Variants in VKORC1L1 observed in about 807,000 individuals in gnomAD.
VKORC1L1 encodes vitamin K epoxide reductase complex subunit 1L1.
A neutral mutation model predicts 18.9 loss-of-function variants in VKORC1L1; 2 were observed. The ratio of observed to expected loss-of-function variants is 0.11; its 90% CI spans 0.04 to 0.33. The LOEUF (loss-of-function observed/expected upper bound fraction) is 0.33. VKORC1L1 is among the 10% of genes least tolerant of loss of function. VKORC1L1 has a pLI of 1.00. For synonymous variants in VKORC1L1, 96 were observed against 100.0 expected (o/e 0.96, Z 0.24); for missense variants, 123 against 224.1 (o/e 0.55, Z 2.88).
At chr7:65,925,068 A>G (rs1789739326) in intron 1 of VKORC1L1, among the ~76,000 whole-genome samples, 1 of 152,134 alleles carries the variant, frequency 6.6e-6, no homozygotes. Context: ...CTTCATGGCT[A>G]TCATGTTTAG....
intron 1 of VKORC1L1, among the ~76,000 whole-genome samples, chr7:65,914,715 T>C (rs1789557893): frequency 6.6e-6 from 1 of 152,184 alleles, no homozygotes; most frequent in Non-Finnish European, 1.5e-5. Flanking sequence ...TTACTCTCCC[T>C]CTGGCTGGGT....
At chr7:65,922,924 T>C (rs1261033987) in intron 1 of VKORC1L1, among the ~76,000 whole-genome samples, 2 of 152,184 alleles carry the variant, frequency 1.3e-5, no homozygotes, top group African/African-American at 4.8e-5. Flanking sequence ...CTTGAATCTG[T>C]GGCTTAGTGT....
In VKORC1L1 at chr7:65,931,795, C is replaced by T. The variant is rs1789862646; in HGVS notation, c.195-16876C>T. Among the ~76,000 whole-genome samples, 4 of 152,156 alleles carry T rather than the reference C, an allele frequency of 2.6e-5. No homozygotes were observed. In the South Asian group the frequency reaches 8.3e-4, roughly 32 times the overall value. ...TAGCTGGGATTACAGACATCCACCA[C>T]CATGCCCGGCTACTTTTTATATTTT... is the stretch of plus-strand genomic sequence containing the variant. On this transcript the variant is annotated intron_variant, in intron 1 of 2. Transcript: ENST00000360768.
intron 2 of VKORC1L1, 128 bp from the exon 3 acceptor site, chr7:65,953,946 A>G: frequency 3.8e-6 from 3 of 784,156 alleles, no homozygotes; most frequent in Non-Finnish European, 6.0e-6. Context: ...TCTGTTCTCA[A>G]TTTTCAGAGT....
chr7:65,890,663 T>C (rs1397910529), intron 1 of VKORC1L1, among the ~76,000 whole-genome samples: 1 of 152,252 alleles, frequency 6.6e-6, no homozygotes, highest in Admixed American at 6.5e-5. Context: ...TTTTACTTGG[T>C]AATGCCAGAC....
At chr7:65,895,117 C>T (rs1417295749) in intron 1 of VKORC1L1, among the ~76,000 whole-genome samples, 4 of 151,960 alleles carry the variant, frequency 2.6e-5, no homozygotes, top group Non-Finnish European at 5.9e-5. Context: ...AGTTAAGATA[C>T]GCCTTAAAGC....
chr7:65,867,429 C>A, the VKORC1L1 span, among the ~76,000 whole-genome samples: 7 of 152,032 alleles, frequency 4.6e-5, no homozygotes, highest in Non-Finnish European at 5.9e-5. Context: ...ATATATAACC[C>A]CAAAACTTTG....
intron 1 of VKORC1L1, among the ~76,000 whole-genome samples, chr7:65,908,075 T>A (rs1789435369): frequency 6.6e-6 from 1 of 152,158 alleles, no homozygotes; most frequent in Admixed American, 6.5e-5. Context: ...GTTAAGACAT[T>A]TTCCTATACC....
At chr7:65,930,551 C>T (rs1453225496) in intron 1 of VKORC1L1, among the ~76,000 whole-genome samples, 2 of 152,122 alleles carry the variant, frequency 1.3e-5, no homozygotes, top group African/African-American at 4.8e-5. Context: ...AGTTTGGCTT[C>T]CTTGGTTGGT....
intron 1 of VKORC1L1, among the ~76,000 whole-genome samples, chr7:65,929,369 G>A (rs941799440): frequency 2.0e-5 from 3 of 152,176 alleles, no homozygotes; most frequent in Middle Eastern, 3.4e-3. Context: ...CCGAGATCGC[G>A]CCACTGCACT....
At chr7:65,947,399 T>C (rs1185214021) in intron 1 of VKORC1L1, among the ~76,000 whole-genome samples, 1 of 151,530 alleles carries the variant, frequency 6.6e-6, no homozygotes, top group Non-Finnish European at 1.5e-5. Flanking sequence ...CTCTACTGAC[T>C]TAACACCATA....
intron 1 of VKORC1L1, among the ~76,000 whole-genome samples, chr7:65,888,838 A>G (rs1789058528): frequency 6.6e-6 from 1 of 152,128 alleles, no homozygotes; most frequent in Non-Finnish European, 1.5e-5. Context: ...TCTTACCTCA[A>G]AAGACAGCAC....
At chr7:65,918,289 C>A (rs1789620836) in intron 1 of VKORC1L1, among the ~76,000 whole-genome samples, 1 of 152,158 alleles carries the variant, frequency 6.6e-6, no homozygotes, top group African/African-American at 2.4e-5. Flanking sequence ...AAAGTTTTTC[C>A]ATGGATTATA....
At chr7:65,896,518 G>GCTC (rs1033542458) in intron 1 of VKORC1L1, among the ~76,000 whole-genome samples, 2 of 151,346 alleles carry the variant, frequency 1.3e-5, no homozygotes, top group Non-Finnish European at 2.9e-5. Flanking sequence ...AATAGGTTCC[G>GCTC]CTCCTATCTT....
chr7:65,867,617 G>C, the VKORC1L1 span, among the ~76,000 whole-genome samples: 1 of 152,068 alleles, frequency 6.6e-6, no homozygotes, highest in Non-Finnish European at 1.5e-5. Flanking sequence ...CCTGTGCTGG[G>C]ACTGTTGATT....
upstream of VKORC1L1, among the ~76,000 whole-genome samples, chr7:65,872,872 A>AC (rs904536573): frequency 1.3e-5 from 2 of 151,900 alleles, no homozygotes; most frequent in African/African-American, 4.8e-5. Flanking sequence ...TCGCCCAGTC[A>AC]CCCACAGTGG....
chr7:65,897,695 CT>C (rs67153520), intron 1 of VKORC1L1, among the ~76,000 whole-genome samples: 19,391 of 137,466 alleles, frequency 0.14, 1,326 homozygotes, highest in Middle Eastern at 0.22. Context: ...GGCTTATAAT[CT>C]TTTTTTTTTT....
At chr7:65,893,718 A>G (rs572737155) in intron 1 of VKORC1L1, among the ~76,000 whole-genome samples, 1 of 152,338 alleles carries the variant, frequency 6.6e-6, no homozygotes, top group East Asian at 1.9e-4. Flanking sequence ...AATAGGTATA[A>G]TGCATGTTAA....
At chr7:65,892,800 G>T (rs1789129699) in intron 1 of VKORC1L1, among the ~76,000 whole-genome samples, 1 of 152,180 alleles carries the variant, frequency 6.6e-6, no homozygotes, top group Non-Finnish European at 1.5e-5. Flanking sequence ...TGTATACCAG[G>T]ATTTGCCTGC....
Sources: allele counts gnomAD v4.1 joint callset (sites outside exome capture counted in the v4.1 genomes callset), GRCh38; gene constraint gnomAD v4.1.1; transcripts MANE v1.5; gene names NCBI Gene and HGNC (gene_info 2026-07-23, HGNC 2026-07-21).